The following ATF1 variants were observed in gnomAD, a reference collection of about 807,000 sequenced individuals.
ATF1 encodes activating transcription factor 1, also known as cyclic AMP-dependent transcription factor ATF-1.
In ATF1, 16 loss-of-function variants were observed where a neutral mutation model predicts 34.7. That is an observed-to-expected ratio of 0.46 (90% CI 0.31 to 0.70). The LOEUF (loss-of-function observed/expected upper bound fraction) is 0.70. Among genes scored for constraint, ATF1 ranks in the 30% least tolerant of loss-of-function variants. The probability of loss-of-function intolerance (pLI) is 0.05; values close to 1 mark genes in which losing one functional copy is unlikely to be tolerated. For missense variants in ATF1, 255 were observed against 321.6 expected, an observed-to-expected ratio of 0.79 and a Z score of 1.58; for synonymous variants, 105 against 113.1, an observed-to-expected ratio of 0.93 and a Z score of 0.46.
chr12:50,773,606 G>C (rs575727150), intron 1 of ATF1, among the ~76,000 whole-genome samples: 15 of 146,306 alleles, frequency 1.0e-4, no homozygotes, highest in Admixed American at 8.1e-4. Context: ...TTTTTTTCTT[G>C]AGACTGAGTC....
chr12:50,810,951 A>G (rs1941724109), intron 4 of ATF1, among the ~76,000 whole-genome samples: 1 of 152,006 alleles, frequency 6.6e-6, no homozygotes, highest in African/African-American at 2.4e-5. Context: ...GTGACATTTT[A>G]TCACACTTAG....
chr12:50,763,717 G>T (rs1259169603), upstream of ATF1: 3 of 151,664 alleles, frequency 2.0e-5, no homozygotes, highest in Non-Finnish European at 2.9e-5. Context: ...GGACAGGGCC[G>T]GCGTCGGTCA....
Position 50,780,140 on chromosome 12 carries a change from T to C in ATF1, c.-6T>C, listed in dbSNP as rs1348944914. The stretch of plus-strand genomic sequence containing the variant: ...TAACGGACTTTTTTCCCCCTTATAG[T>C]TGATTATGGAAGATTCCCACAAGAG... On this transcript the variant is annotated splice_region_variant and 5_prime_UTR_variant, in exon 2 of 7. Transcript: ENST00000262053. The C allele has an allele frequency of 3.7e-6, 6 of 1,605,438 alleles. No homozygotes were observed. In the African/African-American group the frequency reaches 4.0e-5, roughly 11 times the overall value.
intron 2 of ATF1, among the ~76,000 whole-genome samples, chr12:50,787,792 G>C (rs12816708): frequency 1.3e-5 from 2 of 152,064 alleles, no homozygotes; most frequent in African/African-American, 4.8e-5. Flanking sequence ...TTTATTAGTA[G>C]ACTTGACACA....
intron 2 of ATF1, among the ~76,000 whole-genome samples, chr12:50,786,397 AG>A (rs1941185664): frequency 6.6e-6 from 1 of 152,234 alleles, no homozygotes; most frequent in Non-Finnish European, 1.5e-5. Flanking sequence ...CTAAAGTCCA[AG>A]TGTAGGCAAG....
chr12:50,806,339 G>A, intron 3 of ATF1: 1 of 482,824 alleles, frequency 2.1e-6, no homozygotes. Flanking sequence ...TGTTTACTTG[G>A]CTGTCATTGA....
intron 4 of ATF1, among the ~76,000 whole-genome samples, chr12:50,810,478 C>A (rs1436170346): frequency 6.6e-6 from 1 of 152,158 alleles, no homozygotes; most frequent in African/African-American, 2.4e-5. Flanking sequence ...ACCTTGGCCT[C>A]CCAAAGTGCT....
chr12:50,776,141 T>TA (rs1940915841), intron 1 of ATF1, among the ~76,000 whole-genome samples: 2 of 151,590 alleles, frequency 1.3e-5, no homozygotes, highest in African/African-American at 4.8e-5. Flanking sequence ...TGAAACCCCG[T>TA]CTTTACTAAA....
intron 1 of ATF1, among the ~76,000 whole-genome samples, chr12:50,769,706 A>C (rs1225930271): frequency 6.6e-6 from 1 of 152,226 alleles, no homozygotes; most frequent in Non-Finnish European, 1.5e-5. Flanking sequence ...AGAAGTAACC[A>C]AATTTCCTTA....
At chr12:50,812,222 T>C (rs1941752299) in intron 4 of ATF1, among the ~76,000 whole-genome samples, 1 of 152,156 alleles carries the variant, frequency 6.6e-6, no homozygotes, top group Non-Finnish European at 1.5e-5. Context: ...ATATTTAATA[T>C]CAAAACATTT....
chr12:50,775,744 C>T (rs1386370616), intron 1 of ATF1: 3 of 152,180 alleles, frequency 2.0e-5, no homozygotes, highest in Non-Finnish European at 4.4e-5. Context: ...TTTAGGATTA[C>T]ATCTTTTTTC....
intron 4 of ATF1, among the ~76,000 whole-genome samples, chr12:50,810,454 G>A (rs922504965): frequency 2.0e-5 from 3 of 148,138 alleles, no homozygotes; most frequent in Admixed American, 6.7e-5. Context: ...CTCCTGACCT[G>A]AAGTGATTCA....
intron 1 of ATF1, among the ~76,000 whole-genome samples, chr12:50,769,136 A>T (rs1274031820): frequency 6.6e-6 from 1 of 152,252 alleles, no homozygotes; most frequent in African/African-American, 2.4e-5. Flanking sequence ...TAGTAAGGAA[A>T]ATAGAATGTA....
At chr12:50,764,054 T>TCCCCCGCCCCCG (rs1326410427), upstream of ATF1, 1 of 64,524 alleles carries the variant, frequency 1.5e-5, no homozygotes, top group Non-Finnish European at 3.5e-5. Flanking sequence ...CCCCCTCCCC[T>TCCCCCGCCCCCG]CCCCCGCCCC....
chr12:50,806,568 C>A (rs549934454), intron 3 of ATF1: 3 of 202,256 alleles, frequency 1.5e-5, no homozygotes, highest in South Asian at 8.0e-5. Context: ...GCATCTTCCC[C>A]TGTACTTTTC....
At chr12:50,782,369 C>G (rs960561802) in intron 2 of ATF1, among the ~76,000 whole-genome samples, 1 of 151,900 alleles carries the variant, frequency 6.6e-6, no homozygotes, top group African/African-American at 2.4e-5. Context: ...CATTCTCCTG[C>G]CTCAGCCTCC....
In ATF1 at chr12:50,814,210, C is replaced by T; in HGVS notation, c.511+18C>T. On this transcript the variant is annotated intron_variant, in intron 5 of 6. Coordinates refer to ENST00000262053, the MANE Select transcript of ATF1 (RefSeq NM_005171.5). ...CGTACAAAGTAAGTATGCTTTCTGT[C>T]TACAGAAAGTCTCCTAACACTGTCA... The T allele has an allele frequency of 4.3e-6, 7 of 1,613,046 alleles. No individual in the cohort carries two copies. The highest frequency in any genetic ancestry group is 5.9e-6 in the Non-Finnish European group (7 of 1,179,222).
chr12:50,792,110 C>T (rs1454302575), intron 2 of ATF1, among the ~76,000 whole-genome samples: 1 of 152,140 alleles, frequency 6.6e-6, no homozygotes, highest in Non-Finnish European at 1.5e-5. Flanking sequence ...TACATACCCT[C>T]AGGTAATTGT....
At chr12:50,775,061 T>C (rs1228498951) in intron 1 of ATF1, among the ~76,000 whole-genome samples, 1 of 151,920 alleles carries the variant, frequency 6.6e-6, no homozygotes. Flanking sequence ...TTATTTGATA[T>C]GTTGATTCTT....
Sources: gnomAD v4.1 joint callset for allele counts (sites outside exome capture counted in the v4.1 genomes callset) on GRCh38, gnomAD v4.1.1 for gene constraint, MANE v1.5 for transcripts, NCBI Gene and HGNC (gene_info 2026-07-23, HGNC 2026-07-21) for gene names.